PBRM1: variants seen among roughly 807,000 people sequenced by gnomAD.
PBRM1 encodes polybromo 1.
A neutral mutation model predicts 194.5 loss-of-function variants in PBRM1; 27 were observed. The ratio of observed to expected loss-of-function variants is 0.14; its 90% CI spans 0.10 to 0.19. PBRM1 has a LOEUF of 0.19. Among genes scored for constraint, PBRM1 ranks in the 10% least tolerant of loss-of-function variants. The probability of loss-of-function intolerance (pLI) is 1.00; values close to 1 mark genes in which losing one functional copy is unlikely to be tolerated. For missense variants in PBRM1, 1,466 were observed against 2,077.2 expected (o/e 0.71, Z 5.72); for synonymous variants, 655 against 693.2 (o/e 0.94, Z 0.87).
chr3:52,587,806 T>TTTC lies in PBRM1; in HGVS notation c.2966-297_2966-296insGAA, dbSNP rs4044904. 0.96 allele frequency among the ~76,000 whole-genome samples: 146,120 copies of TTTC among 151,940 alleles called. 70,302 individuals are homozygous for TTTC. Among genetic ancestry groups the TTTC allele is most frequent in the East Asian group, 1 (5,172 of 5,174 alleles). ...ACTGTGCTTATTTTTACAGCTACAG[T>TTTC]TTAATATAATTATCCACAGGAGAAA... On this transcript the variant is annotated intron_variant, in intron 18 of 29. Transcript: ENST00000296302.
At chr3:52,621,814 GGC>G in intron 13 of PBRM1, among the ~76,000 whole-genome samples, 1 of 152,210 alleles carries the variant, frequency 6.6e-6, no homozygotes, top group African/African-American at 2.4e-5. Context: ...CACTTTGGGA[GGC>G]TGAAGTGGGA....
intron 16 of PBRM1, among the ~76,000 whole-genome samples, chr3:52,604,439 G>A (rs2094207763): frequency 6.6e-6 from 1 of 152,212 alleles, no homozygotes; most frequent in African/African-American, 2.4e-5. Context: ...GGTGGCTCAT[G>A]CCTATAATCC....
intron 4 of PBRM1, 69 bp from the exon 6 acceptor site, chr3:52,658,384 A>G: frequency 2.4e-6 from 2 of 824,360 alleles, no homozygotes; most frequent in Middle Eastern, 2.4e-4. Flanking sequence ...ATAGCTTCTA[A>G]AATTGTAGAG....
At chr3:52,649,261 C>T (rs967790492) in intron 6 of PBRM1, among the ~76,000 whole-genome samples, 15 of 152,200 alleles carry the variant, frequency 9.9e-5, no homozygotes, top group Non-Finnish European at 2.1e-4. Flanking sequence ...GAGGGCTCTA[C>T]CTCCCATAAT....
chr3:52,586,659 G>C (rs187978633), exon 20 of PBRM1: 367 of 1,564,828 alleles, frequency 2.3e-4, no homozygotes, highest in Non-Finnish European at 2.9e-4. Flanking sequence ...CCTCATCTCG[G>C]AAGTTTTCTG....
intron 1 of PBRM1, 28 bp downstream of exon 2, chr3:52,679,546 C>G (rs1183652069): frequency 1.9e-6 from 3 of 1,602,682 alleles, no homozygotes; most frequent in Non-Finnish European, 2.6e-6. Context: ...GAAGAGCAGG[C>G]AGAAACCATG....
At chr3:52,577,986 T>C (rs1211278445) in intron 21 of PBRM1, among the ~76,000 whole-genome samples, 2 of 152,176 alleles carry the variant, frequency 1.3e-5, no homozygotes, top group African/African-American at 4.8e-5. Context: ...ACTTATCTCT[T>C]ACTAACTCAT....
intron 13 of PBRM1, among the ~76,000 whole-genome samples, chr3:52,619,500 A>C (rs1186100726): frequency 1.3e-5 from 2 of 152,248 alleles, no homozygotes; most frequent in East Asian, 1.9e-4. Flanking sequence ...TGCAATTAAA[A>C]AATTTTTTTT....
At chr3:52,583,313 G>T (rs535048240) in intron 20 of PBRM1, among the ~76,000 whole-genome samples, 3 of 151,330 alleles carry the variant, frequency 2.0e-5, no homozygotes, top group Admixed American at 1.3e-4. Flanking sequence ...AGGAGGGTGA[G>T]GCAGCAGAAT....
In PBRM1 at chr3:52,651,791, G is replaced by A. The variant is rs761000540; in HGVS notation, c.665C>T (p.Ala222Val). The change falls in exon 6 of 30, where the codon GCA becomes GTA. Residue 222 changes from alanine (A) to valine (V), a missense_variant. This residue lies in a region of PBRM1 where 457 missense variants were observed against 591.6 expected (regional missense o/e 0.77). Transcript: ENST00000296302. ...GAGATCTATAGGCTCCTTAATTATT[G>A]CATAATAATCTGGATATTGCTGGAA... The A allele has an allele frequency of 3.1e-6, 5 of 1,602,358 alleles. 1 individual carries two copies. The highest frequency in any genetic ancestry group is 4.3e-6 in the Non-Finnish European group (5 of 1,171,890).
At chr3:52,564,729 G>A (rs890580925) in intron 22 of PBRM1, among the ~76,000 whole-genome samples, 9 of 152,056 alleles carry the variant, frequency 5.9e-5, no homozygotes, top group African/African-American at 2.2e-4. Flanking sequence ...AGAACTGAAA[G>A]TGTAGAAATA....
intron 17 of PBRM1, among the ~76,000 whole-genome samples, chr3:52,594,279 T>C (rs1421113161): frequency 6.6e-6 from 1 of 152,224 alleles, no homozygotes; most frequent in African/African-American, 2.4e-5. Flanking sequence ...GTGCATATAT[T>C]ATTTAGGATA....
chr3:52,638,796 G>A (rs994513209), intron 10 of PBRM1, among the ~76,000 whole-genome samples: 1 of 151,614 alleles, frequency 6.6e-6, no homozygotes, highest in Non-Finnish European at 1.5e-5. Flanking sequence ...ATGAGGTCTC[G>A]CTATGTTGCC....
chr3:52,652,700 T>C (rs2878632), intron 5 of PBRM1, among the ~76,000 whole-genome samples: 1 of 136,932 alleles, frequency 7.3e-6, no homozygotes, highest in Non-Finnish European at 1.6e-5. Flanking sequence ...AAAAAAAAAA[T>C]AAATAATCTA....
At chr3:52,644,977 T>C (rs916512459) in intron 7 of PBRM1, among the ~76,000 whole-genome samples, 188 bp from the exon 9 acceptor site, 2 of 152,208 alleles carry the variant, frequency 1.3e-5, no homozygotes, top group East Asian at 3.8e-4. Flanking sequence ...CATAAAGTTG[T>C]CACTAATTAA....
intron 17 of PBRM1, among the ~76,000 whole-genome samples, chr3:52,591,769 C>T (rs371871031): frequency 4.7e-5 from 7 of 149,116 alleles, no homozygotes; most frequent in South Asian, 2.1e-4. Context: ...CCACCCGCCC[C>T]GGCCTCCCAA....
intron 10 of PBRM1, among the ~76,000 whole-genome samples, chr3:52,641,724 T>A (rs1353369776): frequency 3.9e-5 from 6 of 152,194 alleles, no homozygotes; most frequent in Non-Finnish European, 8.8e-5. Context: ...CAGGATCTGC[T>A]AAGTTATCAA....
chr3:52,594,440 T>C (rs1232670847), intron 17 of PBRM1, among the ~76,000 whole-genome samples: 1 of 152,196 alleles, frequency 6.6e-6, no homozygotes, highest in African/African-American at 2.4e-5. Flanking sequence ...TTTTTCTCCA[T>C]GTCTTTATTT....
intron 20 of PBRM1, among the ~76,000 whole-genome samples, chr3:52,580,989 C>A (rs936705347): frequency 2.6e-5 from 4 of 152,198 alleles, no homozygotes; most frequent in Non-Finnish European, 1.5e-5. Context: ...TTACTGAGAA[C>A]CTAGCTGATA....
Sources: gnomAD v4.1 joint callset for allele counts (sites outside exome capture counted in the v4.1 genomes callset) on GRCh38, gnomAD v4.1.1 for gene constraint, gnomAD v4.1.1 regional missense constraint, MANE v1.5 for transcripts, NCBI Gene and HGNC (gene_info 2026-07-23, HGNC 2026-07-21) for gene names.